UBR4: variants seen among roughly 807,000 people sequenced by gnomAD.
The protein encoded by UBR4 is ubiquitin protein ligase E3 component n-recognin 4, also known as E3 ubiquitin-protein ligase UBR4.
In UBR4, 124 loss-of-function variants were observed where a neutral mutation model predicts 575.6. The observed-to-expected ratio is 0.22, with a 90% CI of 0.19 to 0.25. The LOEUF (loss-of-function observed/expected upper bound fraction) is 0.25. Ranked by LOEUF, UBR4 falls within the 10% of genes least tolerant of loss-of-function variation. The pLI, the probability that UBR4 is intolerant of heterozygous loss-of-function variation, is 1.00. For synonymous variants in UBR4, 2,455 were observed against 2,473.7 expected (o/e 0.99, Z 0.22); for missense variants, 4,818 against 6,478.8 (o/e 0.74, Z 8.80).
At position 19,117,536 on chromosome 1, in the gene UBR4, A is replaced by C; in HGVS notation, c.10630-122T>G. 1.7e-6 allele frequency: 2 copies of C among 1,206,078 alleles called. No individual in the cohort carries two copies. The highest frequency in any genetic ancestry group is 2.6e-5 in the East Asian group (1 of 39,098). The allele number at this position is 1,206,078 out of a possible 1,614,324, so 74.7% of individuals were successfully genotyped here. A position where few individuals can be genotyped will look rare whatever the true frequency, so the allele number is the denominator to read the frequency against. The stretch of plus-strand genomic sequence containing the variant: ...AAGTTTCTATTTAATTTTTTAAAAA[A>C]TATTTTGTAGAGATGGGGTCTCACC... On this transcript the variant is annotated intron_variant, in intron 72 of 105. Coordinates refer to ENST00000375254, the MANE Select transcript of UBR4 (RefSeq NM_020765.3). The surrounding 1 kb of genome is among the most constrained non-coding windows in gnomAD (Gnocchi z 4.0).
At chr1:19,183,741 C>A in intron 17 of UBR4, 70 bp downstream of exon 17, 1 of 1,485,674 alleles carries the variant, frequency 6.7e-7, no homozygotes, top group South Asian at 1.2e-5. Flanking sequence ...AACAAACAAA[C>A]AATTGGAGCT....
intron 16 of UBR4, 34 bp downstream of exon 16, chr1:19,183,982 A>G (rs1354295345): frequency 6.2e-7 from 1 of 1,613,916 alleles, no homozygotes; most frequent in South Asian, 1.1e-5. Context: ...CCATGAGAAA[A>G]AAAATCCATC....
chr1:19,206,385 G>A (rs1444715060), intron 1 of UBR4, among the ~76,000 whole-genome samples: 1 of 151,498 alleles, frequency 6.6e-6, no homozygotes, highest in East Asian at 1.9e-4. Context: ...CATAGCAATG[G>A]TGCGATCTCA....
At chr1:19,145,652 C>G in intron 53 of UBR4, 141 bp downstream of exon 53, 2 of 1,098,198 alleles carry the variant, frequency 1.8e-6, no homozygotes, top group Non-Finnish European at 2.6e-6. Context: ...ATTTATCTCG[C>G]AGACTTCTAC....
rs1255932386 is a variant in UBR4 at position 19,156,681 on chromosome 1, T to C, written c.5919+86A>G. On this transcript the variant is annotated intron_variant, in intron 41 of 105. Transcript: ENST00000375254. The stretch of plus-strand genomic sequence containing the variant: ...TTTAAATTTTAATCTCCACAACGAA[T>C]AAGAAAAAGTAGTTCTGAGAACAGG... The C allele has an allele frequency of 1.3e-5, 20 of 1,509,564 alleles. No individual in the cohort carries two copies. In the South Asian group the frequency reaches 2.1e-4, roughly 16 times the overall value. The allele number at this position is 1,509,564 out of a possible 1,614,324, so 93.5% of individuals were successfully genotyped here.
Position 19,177,596 on chromosome 1 carries a change from G to A in UBR4, c.2502C>T (p.Val834=). ...TGRRAILSLF[V]QIIQELSVNM... is the part of the protein sequence containing the mutation. ...TGACGCTCAACTCCTGGATGATCTG[G>A]ACAAAAAGCGACAATATGGCCCGCC... is the stretch of plus-strand genomic sequence containing the variant. Residue 834 remains valine, a synonymous_variant, in exon 19 of 106, where the codon GTC becomes GTT. Transcript: ENST00000375254. 6.2e-7 allele frequency: 1 copy of A among 1,613,126 alleles called. No homozygotes were observed. The highest frequency in any genetic ancestry group is 8.5e-7 in the Non-Finnish European group (1 of 1,179,878).
intron 8 of UBR4, among the ~76,000 whole-genome samples, chr1:19,195,232 T>C (rs2092378527): frequency 6.7e-6 from 1 of 149,896 alleles, no homozygotes; most frequent in South Asian, 2.1e-4. Context: ...GCCACTGAAC[T>C]CCAGCCTGGG....
rs201351086 is a variant in UBR4 at position 19,162,505 on chromosome 1, T to A, written c.4871A>T (p.Asp1624Val). Residue 1624 changes from aspartate to valine, a missense_variant, in exon 35 of 106, where the codon GAT (aspartate) becomes GTT (valine). Physicochemically the swap from Asp to Val is radical, Grantham distance 152. Coordinates refer to ENST00000375254, the MANE Select transcript of UBR4 (RefSeq NM_020765.3). ...TACTTCAATGGCCCGCTCTTCCCCA[T>A]CCACTGAGAGATGACTTGGGCCTTG... is the stretch of plus-strand genomic sequence containing the variant. ...NGQGPSHLSV[D>V]GEERAIEVDS... 3.7e-6 allele frequency: 6 copies of A among 1,614,080 alleles called. No individual in the cohort carries two copies. The East Asian group carries it at 1.3e-4, about 36-fold the overall frequency.
chr1:19,150,300 T>G (rs1293966941), intron 49 of UBR4, among the ~76,000 whole-genome samples: 1 of 152,318 alleles, frequency 6.6e-6, no homozygotes, highest in East Asian at 1.9e-4. Context: ...GTCTAGCCTG[T>G]GGCCTCTGGC....
rs376661434 is a variant in UBR4, at chr1:19,112,505, C to T, written c.11801+19G>A. 3.3e-5 allele frequency: 53 copies of T among 1,588,404 alleles called. No homozygotes were observed. Among genetic ancestry groups the T allele is most frequent in the South Asian group, 1.2e-4 (10 of 86,430 alleles). ...TCAGTAGGAACCACTAGGCCCATAACCATGGTGTAGGTACTGACCGAGTTA... is the reference window on the plus strand; with the variant it reads ...TCAGTAGGAACCACTAGGCCCATAATCATGGTGTAGGTACTGACCGAGTTA... On this transcript the variant is annotated intron_variant, in intron 78 of 105. Coordinates refer to ENST00000375254, the MANE Select transcript of UBR4 (RefSeq NM_020765.3).
In UBR4 at chr1:19,176,723, T is replaced by A; in HGVS notation, c.2642A>T (p.Gln881Leu). 6.2e-7 allele frequency: 1 copy of A among 1,613,320 alleles called. No homozygotes were observed. The highest frequency in any genetic ancestry group is 2.2e-5 in the East Asian group (1 of 44,868). ...KAPVYLFEQV[Q>L]HNLLSPPFGW... ...AAAGGGAGGACTTAGCAGGTTATGC[T>A]GTACCTTTTAAAACACAAATACTGA... The change falls in exon 20 of 106, where the codon CAG becomes CTG. Residue 881 changes from glutamine (Q) to leucine (L), a missense_variant. Coordinates refer to ENST00000375254, the MANE Select transcript of UBR4 (RefSeq NM_020765.3).
In UBR4 at chr1:19,210,060, C is replaced by T; in HGVS notation, c.176+13G>A. 3.9e-6 allele frequency: 6 copies of T among 1,537,842 alleles called. No homozygotes were observed. Among genetic ancestry groups the T allele is most frequent in the Non-Finnish European group, 5.2e-6 (6 of 1,143,282 alleles). ...CCACAACAGCGTCGCCCGCCAGAGC[C>T]GCCGCCCGGTACCTCTCGATGACTG... On this transcript the variant is annotated intron_variant, in intron 1 of 105. Coordinates refer to ENST00000375254, the MANE Select transcript of UBR4 (RefSeq NM_020765.3).
intron 97 of UBR4, among the ~76,000 whole-genome samples, chr1:19,091,976 GA>G (rs1186098965): frequency 5.0e-4 from 70 of 139,154 alleles, no homozygotes; most frequent in South Asian, 4.5e-4. Flanking sequence ...ATCATGCTGA[GA>G]AAAAAAAAAA....
Position 19,150,484 on chromosome 1 carries a change from G to A in UBR4, c.7430+93C>T, listed in dbSNP as rs555583328. 5.5e-5 allele frequency: 76 copies of A among 1,386,928 alleles called. 1 individual carries two copies. In the South Asian group the frequency reaches 8.6e-4, roughly 16 times the overall value. 85.9% of individuals were successfully genotyped at this position (1,386,928 alleles called of 1,614,324 possible). On this transcript the variant is annotated intron_variant, in intron 49 of 105. Transcript: ENST00000375254. ...AAAAATTCCAGGCTAGCCTTGAGAT[G>A]GTTATTAGAAGCTGGCTCTCTCAAG...
At chr1:19,174,546 C>T (rs2090011419) in intron 21 of UBR4, 99 bp from the exon 22 acceptor site, 1 of 1,453,386 alleles carries the variant, frequency 6.9e-7, no homozygotes, top group African/African-American at 1.4e-5. Context: ...ACAAAATATC[C>T]CATCAAATCA....
intron 58 of UBR4, among the ~76,000 whole-genome samples, chr1:19,140,076 C>T (rs2083680647): frequency 6.6e-6 from 1 of 152,104 alleles, no homozygotes; most frequent in Admixed American, 6.5e-5. Context: ...TTCTTAACTA[C>T]CCAGGCTAAA....
chr1:19,118,711 C>A, intron 71 of UBR4, 161 bp downstream of exon 71: 1 of 670,874 alleles, frequency 1.5e-6, no homozygotes, highest in Admixed American at 2.9e-5. Context: ...CTTCTATTTG[C>A]AAGACCCTGG....
chr1:19,085,276 C>T (rs747057900), intron 101 of UBR4, among the ~76,000 whole-genome samples: 17 of 152,336 alleles, frequency 1.1e-4, no homozygotes, highest in Non-Finnish European at 2.2e-4. Context: ...AATCCCAGCA[C>T]TTTGAGAGGC....
At chr1:19,179,001 T>C (rs1261534734) in intron 18 of UBR4, 50 bp downstream of exon 18, 10 of 1,586,770 alleles carry the variant, frequency 6.3e-6, no homozygotes, top group Non-Finnish European at 8.5e-6. Context: ...GTCAAACAAA[T>C]AAAAAAGGAA....
Sources: gnomAD v4.1 joint callset for allele counts (sites outside exome capture counted in the v4.1 genomes callset) on GRCh38, gnomAD v4.1.1 for gene constraint, Gnocchi (gnomAD v3.1) non-coding constraint, MANE v1.5 for transcripts, NCBI Gene and HGNC (gene_info 2026-07-23, HGNC 2026-07-21) for gene names.